The following LIMK2 variants were observed in gnomAD, a reference collection of about 807,000 sequenced individuals.
LIMK2 encodes LIM domain kinase 2.
In LIMK2, 35 loss-of-function variants were observed where a neutral mutation model predicts 75.7. That is an observed-to-expected ratio of 0.46 (90% CI 0.35 to 0.61). The LOEUF is 0.61. Among genes scored for constraint, LIMK2 ranks in the 20% least tolerant of loss-of-function variants. The probability of loss-of-function intolerance (pLI) is 0.00; values close to 1 mark genes in which losing one functional copy is unlikely to be tolerated. For synonymous variants in LIMK2, 301 were observed against 319.2 expected, an observed-to-expected ratio of 0.94 and a Z score of 0.61; for missense variants, 623 against 831.0, an observed-to-expected ratio of 0.75 and a Z score of 3.08.
chr22:31,245,217 C>G (rs1305614433), intron 2 of LIMK2, among the ~76,000 whole-genome samples: 1 of 152,212 alleles, frequency 6.6e-6, no homozygotes, highest in Non-Finnish European at 1.5e-5. Context: ...AGGTAGTAAA[C>G]AGAGTGGTTG....
chr22:31,226,178 C>CTTATTTTATTTTATTTTATT (rs144244697), intron 2 of LIMK2, among the ~76,000 whole-genome samples: 1,496 of 146,008 alleles, frequency 0.01, 29 homozygotes, highest in African/African-American at 0.026. Context: ...TGTTTGTATT[C>CTTATTTTATTTTATTTTATT]TTATTTTATT....
At chr22:31,270,778 G>A (rs1316052427) in intron 11 of LIMK2, among the ~76,000 whole-genome samples, 2 of 152,284 alleles carry the variant, frequency 1.3e-5, no homozygotes, top group Non-Finnish European at 1.5e-5. Context: ...GGGGAGGAGG[G>A]AGCAGCCTGG....
At chr22:31,229,050 C>T (rs1010939455) in intron 2 of LIMK2, among the ~76,000 whole-genome samples, 3 of 152,074 alleles carry the variant, frequency 2.0e-5, no homozygotes, top group African/African-American at 7.2e-5. Flanking sequence ...ATACATTTCT[C>T]TTATTACACA....
chr22:31,212,512 G>A (rs2048355476), intron 1 of LIMK2, 88 bp downstream of exon 1: 1 of 1,275,350 alleles, frequency 7.8e-7, no homozygotes, highest in South Asian at 3.3e-5. Context: ...TCTCTCGGGG[G>A]TTTCGGGCTG....
rs1486802310 is a variant in LIMK2, at chr22:31,276,699, A to G, written c.1772+1391A>G. The G allele has an allele frequency of 4.1e-6, 5 of 1,224,776 alleles. No homozygotes were observed. In the African/African-American group the frequency reaches 8.1e-5, roughly 20 times the overall value. 75.9% of individuals were successfully genotyped at this position (1,224,776 alleles called of 1,614,324 possible). ...GGCCCCGGAGGCCGCCGTGGCGGAC[A>G]GCGGCACCGCGGGGGGCGCGGCGTT... On this transcript the variant is annotated intron_variant, in intron 15 of 15. Coordinates refer to ENST00000331728, the MANE Select transcript of LIMK2 (RefSeq NM_005569.4).
intron 1 of LIMK2, among the ~76,000 whole-genome samples, 197 bp downstream of exon 1, chr22:31,212,621 A>C (rs1376594308): frequency 6.6e-6 from 1 of 151,244 alleles, no homozygotes; most frequent in Non-Finnish European, 1.5e-5. Context: ...GGGAATGGGG[A>C]GGCAGGGCAT....
intron 2 of LIMK2, among the ~76,000 whole-genome samples, chr22:31,235,974 C>T (rs2048570067): frequency 6.6e-6 from 1 of 152,148 alleles, no homozygotes; most frequent in African/African-American, 2.4e-5. Context: ...AGTTACTTGC[C>T]CTTTGTGTGC....
intron 2 of LIMK2, among the ~76,000 whole-genome samples, chr22:31,253,061 C>G (rs922723112): frequency 6.6e-6 from 1 of 152,176 alleles, no homozygotes. Context: ...TGCCCAAGCC[C>G]TCAGAACCCC....
At chr22:31,272,388 T>C (rs550682557) in intron 12 of LIMK2, 142 bp from the exon 13 acceptor site, 1 of 773,870 alleles carries the variant, frequency 1.3e-6, no homozygotes, top group African/African-American at 1.7e-5. Context: ...GTGTGTCTAT[T>C]TGATAGAGCT....
chr22:31,228,888 G>T (rs2048501164), intron 2 of LIMK2, among the ~76,000 whole-genome samples: 1 of 152,010 alleles, frequency 6.6e-6, no homozygotes, highest in South Asian at 2.1e-4. Flanking sequence ...AGGCTGTAGT[G>T]AGCTGTGATC....
intron 15 of LIMK2, chr22:31,276,701 CGGCACCGCGGGG>C (rs1208982217): frequency 8.1e-7 from 1 of 1,234,798 alleles, no homozygotes; most frequent in African/African-American, 1.6e-5. Context: ...TGGCGGACAG[CGGCACCGCGGGG>C]GGCGCGGCGT....
intron 2 of LIMK2, chr22:31,248,842 A>G: frequency 6.7e-7 from 1 of 1,491,282 alleles, no homozygotes; most frequent in South Asian, 1.1e-5. Context: ...GTCTCCCTAA[A>G]TCTCCTTCTC....
intron 2 of LIMK2, among the ~76,000 whole-genome samples, chr22:31,257,040 ATTTTTTTTTTTTTT>A (rs529919320): frequency 0.063 from 4,731 of 75,118 alleles, 158 homozygotes; most frequent in Non-Finnish European, 0.083. Flanking sequence ...GGAGCTATAG[ATTTTTTTTTTTTTT>A]TTTTTTTTTT....
chr22:31,225,932 G>T (rs1057459790), intron 2 of LIMK2, 113 bp downstream of exon 2: 1 of 817,152 alleles, frequency 1.2e-6, no homozygotes, highest in South Asian at 1.5e-5. Context: ...CAATCTTAGG[G>T]TGGGGAAAGG....
chr22:31,273,557 T>A, intron 14 of LIMK2, 50 bp downstream of exon 14: 1 of 1,495,140 alleles, frequency 6.7e-7, no homozygotes, highest in South Asian at 1.1e-5. Flanking sequence ...CTAGCAGCTC[T>A]GCCTTCCCTC....
intron 2 of LIMK2, among the ~76,000 whole-genome samples, chr22:31,242,851 T>G (rs967111174): frequency 6.6e-6 from 1 of 152,264 alleles, no homozygotes. Context: ...AGCCAGATAC[T>G]GAAGTGAGCT....
intron 5 of LIMK2, among the ~76,000 whole-genome samples, chr22:31,261,352 C>T (rs1219580163): frequency 7.9e-5 from 12 of 151,998 alleles, no homozygotes; most frequent in Non-Finnish European, 1.3e-4. Flanking sequence ...TCAAGACCAT[C>T]CTGGCTAACA....
chr22:31,278,157 T>C (rs571171451), intron 15 of LIMK2, 140 bp from the exon 16 acceptor site: 4 of 690,122 alleles, frequency 5.8e-6, no homozygotes, highest in Non-Finnish European at 9.9e-6. Flanking sequence ...ATTATGCCCA[T>C]TTCTCACAGA....
At chr22:31,271,040 A>T in intron 11 of LIMK2, 96 bp from the exon 12 acceptor site, 2 of 1,131,106 alleles carry the variant, frequency 1.8e-6, no homozygotes, top group Admixed American at 1.7e-5. Flanking sequence ...CTGGGTGGGC[A>T]TGGCCTGGTA....
Sources: allele counts gnomAD v4.1 joint callset (sites outside exome capture counted in the v4.1 genomes callset), GRCh38; gene constraint gnomAD v4.1.1; transcripts MANE v1.5; gene names NCBI Gene and HGNC (gene_info 2026-07-23, HGNC 2026-07-21).